ATRNL1: variants seen among roughly 807,000 people sequenced by gnomAD.
The protein encoded by ATRNL1 is attractin-like protein 1.
A neutral mutation model predicts 182.7 loss-of-function variants in ATRNL1; 95 were observed. The ratio of observed to expected loss-of-function variants is 0.52; its 90% CI spans 0.44 to 0.62. The LOEUF (loss-of-function observed/expected upper bound fraction) is 0.62, where lower values mean the gene tolerates loss of function less well. ATRNL1 is among the 20% of genes least tolerant of loss of function. The pLI is 0.00. For synonymous variants in ATRNL1, 576 were observed against 568.3 expected (o/e 1.01, Z -0.19); for missense variants, 1,471 against 1,679.5 (o/e 0.88, Z 2.17).
intron 26 of ATRNL1, among the ~76,000 whole-genome samples, chr10:115,646,948 C>A (rs1203159836): frequency 1.7e-5 from 2 of 116,534 alleles, no homozygotes; most frequent in East Asian, 6.5e-4. Context: ...CCCCCCTCCC[C>A]CCCTCCCCCC....
intron 8 of ATRNL1, among the ~76,000 whole-genome samples, chr10:115,191,301 C>T (rs185470513): frequency 1.2e-4 from 19 of 152,178 alleles, no homozygotes; most frequent in African/African-American, 4.6e-4. Context: ...AACTATTCTT[C>T]ATAGTGGTTG....
chr10:115,191,274 G>T (rs1192308433), intron 8 of ATRNL1, among the ~76,000 whole-genome samples: 1 of 151,966 alleles, frequency 6.6e-6, no homozygotes, highest in Non-Finnish European at 1.5e-5. Context: ...TCTATTTTTA[G>T]TTTTTTAGGA....
chr10:115,558,949 T>G, intron 26 of ATRNL1, among the ~76,000 whole-genome samples: 1 of 152,196 alleles, frequency 6.6e-6, no homozygotes, highest in Admixed American at 6.5e-5. Context: ...CAAAATCAGC[T>G]GAGGCCTGAG....
At chr10:115,439,615 T>C (rs1846570468) in intron 21 of ATRNL1, among the ~76,000 whole-genome samples, 1 of 151,650 alleles carries the variant, frequency 6.6e-6, no homozygotes. Context: ...CCCCAGAACC[T>C]GTGATACATA....
intron 19 of ATRNL1, among the ~76,000 whole-genome samples, chr10:115,376,849 T>C (rs990491293): frequency 6.6e-6 from 1 of 152,192 alleles, no homozygotes; most frequent in South Asian, 2.1e-4. Context: ...ATAATTCATA[T>C]GTTTTTATGT....
chr10:115,315,399 A>G (rs959570318), intron 17 of ATRNL1, 119 bp from the exon 18 acceptor site: 1 of 678,012 alleles, frequency 1.5e-6, no homozygotes, highest in Non-Finnish European at 2.4e-6. Context: ...AAATGTTTGC[A>G]TTAACTATAG....
chr10:115,617,550 G>A (rs1555021234), intron 26 of ATRNL1, among the ~76,000 whole-genome samples: 2 of 151,474 alleles, frequency 1.3e-5, no homozygotes, highest in African/African-American at 2.4e-5. Context: ...TGTAGAGACG[G>A]GGTTTCACCA....
chr10:115,344,231 A>T (rs1169001117), intron 19 of ATRNL1, among the ~76,000 whole-genome samples: 1 of 152,080 alleles, frequency 6.6e-6, no homozygotes, highest in Non-Finnish European at 1.5e-5. Flanking sequence ...GAGTTCCCTC[A>T]GGCCCCTGGT....
At chr10:115,430,190 A>G (rs1846090105) in intron 21 of ATRNL1, among the ~76,000 whole-genome samples, 1 of 152,256 alleles carries the variant, frequency 6.6e-6, no homozygotes, top group South Asian at 2.1e-4. Context: ...AAAACTTTAA[A>G]TAAAAATTAG....
chr10:115,223,704 G>A (rs894128873), intron 9 of ATRNL1, among the ~76,000 whole-genome samples: 8 of 151,098 alleles, frequency 5.3e-5, no homozygotes, highest in African/African-American at 1.5e-4. Flanking sequence ...GAACTTTCCC[G>A]GAATTTACTA....
chr10:115,786,602 A>T (rs1949402661), intron 27 of ATRNL1, among the ~76,000 whole-genome samples: 1 of 152,054 alleles, frequency 6.6e-6, no homozygotes, highest in Non-Finnish European at 1.5e-5. Flanking sequence ...TCATCCTAAC[A>T]CAATTGAACC....
intron 21 of ATRNL1, among the ~76,000 whole-genome samples, chr10:115,427,468 C>T (rs956733258): frequency 6.6e-6 from 1 of 152,074 alleles, no homozygotes; most frequent in Non-Finnish European, 1.5e-5. Context: ...TTAGATGAAG[C>T]TTGACTTATC....
At chr10:115,441,611 T>C (rs781785648) in intron 21 of ATRNL1, among the ~76,000 whole-genome samples, 1 of 152,014 alleles carries the variant, frequency 6.6e-6, no homozygotes, top group Non-Finnish European at 1.5e-5. Flanking sequence ...TTTTGATCAC[T>C]TTTCTGAGCT....
At chr10:115,278,104 A>G (rs1852185665) in intron 13 of ATRNL1, among the ~76,000 whole-genome samples, 2 of 152,166 alleles carry the variant, frequency 1.3e-5, no homozygotes, top group South Asian at 4.1e-4. Flanking sequence ...TCTGCATGAT[A>G]CTTTTATTAA....
intron 24 of ATRNL1, among the ~76,000 whole-genome samples, chr10:115,470,154 T>G (rs1473496707): frequency 6.6e-6 from 1 of 150,414 alleles, no homozygotes; most frequent in South Asian, 2.1e-4. Context: ...TGTTTGCAGG[T>G]TTTATTTATA....
intron 22 of ATRNL1, among the ~76,000 whole-genome samples, chr10:115,465,917 G>A (rs917135677): frequency 6.6e-6 from 1 of 151,426 alleles, no homozygotes; most frequent in East Asian, 1.9e-4. Flanking sequence ...TGATGGATAT[G>A]GAACACTGTT....
intron 27 of ATRNL1, among the ~76,000 whole-genome samples, chr10:115,780,245 G>A (rs79730864): frequency 0.035 from 5,395 of 152,242 alleles, 254 homozygotes; most frequent in African/African-American, 0.11. Context: ...CAGCCAGCAC[G>A]CACAGAGGGA....
intron 25 of ATRNL1, among the ~76,000 whole-genome samples, chr10:115,540,876 G>A (rs782379790): frequency 4.6e-5 from 7 of 151,958 alleles, no homozygotes; most frequent in African/African-American, 1.2e-4. Flanking sequence ...CTTTCATCAG[G>A]TACTAGATCT....
chr10:115,484,347 A>T (rs1401450862), intron 24 of ATRNL1, among the ~76,000 whole-genome samples: 1 of 151,580 alleles, frequency 6.6e-6, no homozygotes, highest in Non-Finnish European at 1.5e-5. Context: ...ATTTTATCTC[A>T]GGTCTTGTTT....
Sources: allele counts gnomAD v4.1 joint callset (sites outside exome capture counted in the v4.1 genomes callset), GRCh38; gene constraint gnomAD v4.1.1; transcripts MANE v1.5; gene names NCBI Gene and HGNC (gene_info 2026-07-23, HGNC 2026-07-21).